The following DIAPH3 variants were observed in gnomAD, a reference collection of about 807,000 sequenced individuals.
DIAPH3 encodes the protein diaphanous related formin 3.
A neutral mutation model predicts 144.3 loss-of-function variants in DIAPH3; 117 were observed. The observed-to-expected ratio is 0.81, with a 90% confidence interval of 0.70 to 0.95. The LOEUF (loss-of-function observed/expected upper bound fraction) is 0.95, where lower values mean the gene tolerates loss of function less well. Ranked by LOEUF, DIAPH3 falls within the 40% of genes least tolerant of loss-of-function variation. DIAPH3 has a pLI of 0.00. For synonymous variants in DIAPH3, 519 were observed against 488.9 expected (o/e 1.06, Z -0.81); for missense variants, 1,421 against 1,412.7 (o/e 1.01, Z -0.09).
Position 59,834,910 on chromosome 13 carries a change from T to C in DIAPH3, c.2863-1639A>G, listed in dbSNP as rs561448286. Among the ~76,000 whole-genome samples, 3 of 151,852 alleles carry C rather than the reference T, an allele frequency of 2.0e-5. No homozygotes were observed. In the South Asian group the frequency reaches 6.2e-4, roughly 31 times the overall value. On this transcript the variant is annotated intron_variant, in intron 23 of 27. Coordinates refer to ENST00000400324, the MANE Select transcript of DIAPH3 (RefSeq NM_001042517.2). ...CTAGAATCACTGTCATCTTCCCATTTGAGAGGTAGATAACAACCAGATCTG... is the reference window on the plus strand; with the variant it reads ...CTAGAATCACTGTCATCTTCCCATTCGAGAGGTAGATAACAACCAGATCTG...
intron 21 of DIAPH3, among the ~76,000 whole-genome samples, chr13:59,877,386 C>T (rs553007739): frequency 1.3e-5 from 2 of 152,188 alleles, no homozygotes; most frequent in East Asian, 3.9e-4. Context: ...ACATGTCAAC[C>T]AAACACCAAA....
At chr13:59,809,259 T>C (rs1211286003) in intron 25 of DIAPH3, among the ~76,000 whole-genome samples, 2 of 152,136 alleles carry the variant, frequency 1.3e-5, no homozygotes, top group East Asian at 3.9e-4. Context: ...CCCAGCACTT[T>C]GGGAGGCTGA....
intron 2 of DIAPH3, among the ~76,000 whole-genome samples, chr13:60,113,751 A>C (rs1394895882): frequency 3.3e-5 from 5 of 152,254 alleles, no homozygotes. Flanking sequence ...CAGTTGAGGA[A>C]GAAGAATAAG....
chr13:59,729,173 A>G (rs926010624), intron 27 of DIAPH3, among the ~76,000 whole-genome samples: 7 of 152,226 alleles, frequency 4.6e-5, no homozygotes, highest in African/African-American at 1.7e-4. Context: ...AAGCTTGACT[A>G]TAGTCAGTGG....
chr13:60,054,035 T>G (rs1042017335), intron 4 of DIAPH3, among the ~76,000 whole-genome samples: 2 of 152,062 alleles, frequency 1.3e-5, no homozygotes, highest in Non-Finnish European at 2.9e-5. Flanking sequence ...AATTATATTC[T>G]TAAACACTAC....
At chr13:59,991,519 G>A (rs2051809170) in intron 11 of DIAPH3, among the ~76,000 whole-genome samples, 1 of 151,978 alleles carries the variant, frequency 6.6e-6, no homozygotes, top group African/African-American at 2.4e-5. Flanking sequence ...AAGCACAGAT[G>A]CTGTTGGGAA....
intron 22 of DIAPH3, among the ~76,000 whole-genome samples, chr13:59,854,022 G>T (rs1388782446): frequency 2.6e-5 from 4 of 152,080 alleles, no homozygotes; most frequent in Admixed American, 2.0e-4. Context: ...GAACTTTGCA[G>T]ATGAAATTAG....
rs758247358 is a variant in DIAPH3, at chr13:59,666,560, A to AT, written c.*23dup. ...GCATGGCTTTATATTTGGCTTAATC[A>AT]TTTTTTTTAAAAACCAGTTTAACTT... On this transcript the variant is annotated 3_prime_UTR_variant, in exon 28 of 28. Transcript: ENST00000400324. 2.4e-4 allele frequency: 384 copies of AT among 1,613,204 alleles called. 2 individuals carry two copies. Among genetic ancestry groups the AT allele is most frequent in the Admixed American group, 1.5e-3 (91 of 59,912 alleles).
At chr13:59,810,997 A>C in intron 24 of DIAPH3, 74 bp from the exon 25 acceptor site, 2 of 1,344,024 alleles carry the variant, frequency 1.5e-6, no homozygotes, top group Non-Finnish European at 2.1e-6. Context: ...TCTATTTGAA[A>C]ATATGCTTAA....
chr13:59,742,557 C>T (rs564387359), intron 27 of DIAPH3, among the ~76,000 whole-genome samples: 1 of 63,632 alleles, frequency 1.6e-5, no homozygotes, highest in South Asian at 5.2e-4. Context: ...ATGGATGCTG[C>T]TAAAAGAAGA....
At chr13:59,792,290 A>C (rs866715988) in intron 25 of DIAPH3, among the ~76,000 whole-genome samples, 1 of 152,172 alleles carries the variant, frequency 6.6e-6, no homozygotes, top group South Asian at 2.1e-4. Flanking sequence ...CTCATGTAAA[A>C]AGCACCCGCC....
chr13:59,933,417 C>A (rs1358160299), intron 17 of DIAPH3, among the ~76,000 whole-genome samples: 1 of 152,212 alleles, frequency 6.6e-6, no homozygotes, highest in Non-Finnish European at 1.5e-5. Flanking sequence ...AGTCCATAAA[C>A]ACAATTTAGC....
At chr13:59,870,791 C>T (rs1430946828) in intron 21 of DIAPH3, among the ~76,000 whole-genome samples, 1 of 151,998 alleles carries the variant, frequency 6.6e-6, no homozygotes, top group Non-Finnish European at 1.5e-5. Flanking sequence ...CTGTCTCAGC[C>T]TCCCTAGTAG....
At chr13:59,904,656 C>T (rs1043633648) in intron 20 of DIAPH3, among the ~76,000 whole-genome samples, 4 of 151,928 alleles carry the variant, frequency 2.6e-5, no homozygotes, top group African/African-American at 9.7e-5. Flanking sequence ...AAAAAAAAAT[C>T]ACATCTCTAT....
chr13:59,950,134 A>G (rs993844247), intron 17 of DIAPH3, among the ~76,000 whole-genome samples: 3 of 102,980 alleles, frequency 2.9e-5, no homozygotes, highest in Non-Finnish European at 6.5e-5. Flanking sequence ...TGACAATATA[A>G]TATTTTAATT....
chr13:59,992,174 T>C lies in DIAPH3; in HGVS notation c.1138A>G (p.Ile380Val). The C allele has an allele frequency of 1.2e-6, 2 of 1,609,520 alleles. No homozygotes were observed. The highest frequency in any genetic ancestry group is 1.7e-6 in the Non-Finnish European group (2 of 1,176,738). ...LKEILPNLKC[I>V]KNDGLDIQLK... ...TGGATATCCAGGCCATCATTCTTAA[T>C]GCATTTTAAATTCTAGAGATATGAA... The change falls in exon 11 of 28, where the codon ATT becomes GTT. Residue 380 changes from isoleucine to valine, a missense_variant. Coordinates refer to ENST00000400324, the MANE Select transcript of DIAPH3 (RefSeq NM_001042517.2).
intron 5 of DIAPH3, among the ~76,000 whole-genome samples, chr13:60,024,154 C>A (rs1566673701): frequency 6.6e-6 from 1 of 152,178 alleles, no homozygotes; most frequent in Non-Finnish European, 1.5e-5. Context: ...CGTGCCCACC[C>A]TATTCAGCCA....
chr13:60,154,983 T>C (rs1229159204), intron 1 of DIAPH3, among the ~76,000 whole-genome samples: 7 of 152,198 alleles, frequency 4.6e-5, no homozygotes, highest in African/African-American at 1.4e-4. Context: ...TAATTTACAT[T>C]CTATATAAAA....
chr13:59,827,867 C>T (rs886498990), intron 24 of DIAPH3, among the ~76,000 whole-genome samples: 9 of 152,148 alleles, frequency 5.9e-5, no homozygotes, highest in South Asian at 2.1e-4. Context: ...GAACACGCTA[C>T]AGCTGTTGGA....
Sources: allele counts gnomAD v4.1 joint callset (sites outside exome capture counted in the v4.1 genomes callset), GRCh38; gene constraint gnomAD v4.1.1; transcripts MANE v1.5; gene names NCBI Gene and HGNC (gene_info 2026-07-23, HGNC 2026-07-21).